CAB39L: variants seen among roughly 807,000 people sequenced by gnomAD.
CAB39L encodes calcium-binding protein 39-like.
A neutral mutation model predicts 39.1 loss-of-function variants in CAB39L; 23 were observed. That is an observed-to-expected ratio of 0.59 (90% CI 0.42 to 0.83). The LOEUF (loss-of-function observed/expected upper bound fraction) is 0.83. CAB39L is among the 40% of genes least tolerant of loss of function. The pLI is 0.00. For missense variants in CAB39L, 366 were observed against 391.9 expected (o/e 0.93, Z 0.56); for synonymous variants, 126 against 137.2 (o/e 0.92, Z 0.57).
chr13:49,442,231 T>G (rs1173178006), intron 1 of CAB39L, among the ~76,000 whole-genome samples: 1 of 152,198 alleles, frequency 6.6e-6, no homozygotes, highest in Non-Finnish European at 1.5e-5. Context: ...AAAACGTTCC[T>G]TTTAAAAGGC....
In CAB39L at chr13:49,361,518, AAGAG is replaced by A. The variant is rs943938705; in HGVS notation, c.277-1690_277-1687del. ...AAAAAAAAGAGACAGAAAGAAAGGA[AAGAG>A]AGAGAGAGAGACAGAAAAAAAGAGA... is the stretch of plus-strand genomic sequence containing the variant. On this transcript the variant is annotated intron_variant, in intron 5 of 10. Transcript: ENST00000409308. Among the ~76,000 whole-genome samples, 25 of 146,576 alleles carry A rather than the reference AAGAG, an allele frequency of 1.7e-4. No individual in the cohort carries two copies. In the South Asian group the frequency reaches 2.2e-3, roughly 13 times the overall value.
chr13:49,407,543 A>C (rs1274744941), intron 3 of CAB39L, among the ~76,000 whole-genome samples: 2 of 151,768 alleles, frequency 1.3e-5, no homozygotes, highest in East Asian at 1.9e-4. Context: ...ATCCCCCCCC[A>C]AAAAAATCAA....
chr13:49,326,989 T>C (rs1421922420), intron 10 of CAB39L, among the ~76,000 whole-genome samples: 1 of 152,202 alleles, frequency 6.6e-6, no homozygotes, highest in African/African-American at 2.4e-5. Context: ...CATTTTATAA[T>C]GTGTAGGCAT....
intron 1 of CAB39L, among the ~76,000 whole-genome samples, chr13:49,441,019 G>A (rs929611474): frequency 2.0e-5 from 3 of 151,592 alleles, no homozygotes; most frequent in Admixed American, 1.3e-4. Context: ...AACTTCCTAC[G>A]TATCTCATGT....
At position 49,426,734 on chromosome 13, in the gene CAB39L, C is replaced by T. The variant is rs376815120; in HGVS notation, c.-32+6584G>A. The stretch of plus-strand genomic sequence containing the variant: ...GCCACCGCGCCCAGCCAATTTATTG[C>T]TCTTTATTGAAGATTTTCTATGAGC... On this transcript the variant is annotated intron_variant, in intron 3 of 10. Coordinates refer to ENST00000409308, the MANE Select transcript of CAB39L (RefSeq NM_001079670.3). 5.3e-5 allele frequency among the ~76,000 whole-genome samples: 8 copies of T among 152,220 alleles called. No homozygotes were observed. In the East Asian group the frequency reaches 7.7e-4, roughly 15 times the overall value.
At chr13:49,438,234 A>G (rs7321670) in intron 1 of CAB39L, among the ~76,000 whole-genome samples, 120,293 of 152,224 alleles carry the variant, frequency 0.79, 48,329 homozygotes, top group African/African-American at 0.93. Flanking sequence ...TAATGCCTAA[A>G]AGGCAAACAA....
intron 10 of CAB39L, among the ~76,000 whole-genome samples, chr13:49,331,271 C>T (rs1954685413): frequency 1.3e-5 from 2 of 152,088 alleles, no homozygotes; most frequent in South Asian, 2.1e-4. Context: ...CAAGACCACC[C>T]TGGCTAACAC....
intron 1 of CAB39L, among the ~76,000 whole-genome samples, chr13:49,443,741 C>CCACCACCACAACCAT (rs1272759360): frequency 6.6e-6 from 1 of 152,100 alleles, no homozygotes; most frequent in Non-Finnish European, 1.5e-5. Flanking sequence ...CCTACTATTA[C>CCACCACCACAACCAT]CACCACCACA....
intron 3 of CAB39L, among the ~76,000 whole-genome samples, chr13:49,431,007 GTGTTC>G (rs1957313434): frequency 6.6e-6 from 1 of 152,094 alleles, no homozygotes; most frequent in South Asian, 2.1e-4. Flanking sequence ...TCTTTAAAAA[GTGTTC>G]TGTTAAGAAA....
chr13:49,319,346 G>C (rs57541605), intron 10 of CAB39L, among the ~76,000 whole-genome samples: 2,954 of 152,128 alleles, frequency 0.019, 73 homozygotes, highest in African/African-American at 0.058. Context: ...CACACAAAAG[G>C]CCACACACTG....
rs544168409 is a variant in CAB39L, at chr13:49,435,433, T to C, written c.-245-1210A>G. On this transcript the variant is annotated intron_variant, in intron 1 of 10. Coordinates refer to ENST00000409308, the MANE Select transcript of CAB39L (RefSeq NM_001079670.3). ...CAGTCTACAGGGCCTATTGTATAAC[T>C]TTTGGATTTTGTTGAAAAATGCTTT... 2.6e-5 allele frequency among the ~76,000 whole-genome samples: 4 copies of C among 152,368 alleles called. No homozygotes were observed. In the South Asian group the frequency reaches 8.3e-4, roughly 32 times the overall value.
chr13:49,371,935 G>A (rs1284099600), intron 5 of CAB39L, among the ~76,000 whole-genome samples: 2 of 151,880 alleles, frequency 1.3e-5, no homozygotes, highest in Admixed American at 1.3e-4. Flanking sequence ...TAATCATTAG[G>A]GATTAAGTTA....
chr13:49,378,713 T>TG (rs1956171967), intron 4 of CAB39L, among the ~76,000 whole-genome samples: 1 of 31,834 alleles, frequency 3.1e-5, no homozygotes, highest in African/African-American at 2.2e-4. Context: ...GGGAGGGAGG[T>TG]GGGGGTGTCG....
At chr13:49,318,215 A>G (rs1015750487) in intron 10 of CAB39L, among the ~76,000 whole-genome samples, 4 of 151,734 alleles carry the variant, frequency 2.6e-5, no homozygotes, top group Non-Finnish European at 5.9e-5. Context: ...TAATCCCAAC[A>G]CTTGGGGAGG....
intron 3 of CAB39L, among the ~76,000 whole-genome samples, chr13:49,384,420 A>C (rs1307237313): frequency 6.6e-6 from 1 of 152,106 alleles, no homozygotes; most frequent in East Asian, 1.9e-4. Flanking sequence ...GTTAGAACCA[A>C]CTTCTTCTGA....
intron 10 of CAB39L, among the ~76,000 whole-genome samples, chr13:49,326,240 C>T (rs1311840214): frequency 3.3e-5 from 5 of 152,204 alleles, no homozygotes; most frequent in African/African-American, 4.8e-5. Flanking sequence ...CCATATTGGG[C>T]ACATCTCTGG....
intron 3 of CAB39L, among the ~76,000 whole-genome samples, chr13:49,427,882 G>A (rs374856277): frequency 9.2e-5 from 14 of 152,112 alleles, no homozygotes; most frequent in African/African-American, 2.7e-4. Flanking sequence ...CCATCTTTTC[G>A]CTGTATCCTC....
intron 5 of CAB39L, among the ~76,000 whole-genome samples, chr13:49,362,308 A>G (rs1955658703): frequency 6.6e-6 from 1 of 152,144 alleles, no homozygotes; most frequent in African/African-American, 2.4e-5. Flanking sequence ...CAGACAGAGA[A>G]TTCAAAATCA....
At chr13:49,348,593 T>C (rs552692322) in intron 7 of CAB39L, among the ~76,000 whole-genome samples, 12 of 152,260 alleles carry the variant, frequency 7.9e-5, no homozygotes, top group African/African-American at 2.9e-4. Flanking sequence ...TAACTGGGCT[T>C]ACCCTGCTCC....
Sources: allele counts gnomAD v4.1 joint callset (sites outside exome capture counted in the v4.1 genomes callset), GRCh38; gene constraint gnomAD v4.1.1; transcripts MANE v1.5; gene names NCBI Gene and HGNC (gene_info 2026-07-23, HGNC 2026-07-21).